UBXN7: variants seen among roughly 807,000 people sequenced by gnomAD.
UBXN7 encodes the protein UBX domain protein 7, also known as UBX domain-containing protein 7.
In UBXN7, 9 loss-of-function variants were observed where a neutral mutation model predicts 58.0. The observed-to-expected ratio is 0.16, with a 90% CI of 0.09 to 0.27. UBXN7 has a LOEUF of 0.27. Ranked by LOEUF, UBXN7 falls within the 10% of genes least tolerant of loss-of-function variation. The pLI, the probability that UBXN7 is intolerant of heterozygous loss-of-function variation, is 1.00. For synonymous variants in UBXN7, 208 were observed against 205.0 expected, an observed-to-expected ratio of 1.01 and a Z score of -0.12; for missense variants, 328 against 599.6, an observed-to-expected ratio of 0.55 and a Z score of 4.73.
rs372322399 is a variant in UBXN7, at chr3:196,355,369, G to A, written c.*1316C>T. The stretch of plus-strand genomic sequence containing the variant: ...AAATGGTATTCTACAGATTCAAGAT[G>A]GCCTCTTCTAAAAACACTGAAGAAA... On this transcript the variant is annotated 3_prime_UTR_variant, in exon 11 of 11. Coordinates refer to ENST00000296328, the MANE Select transcript of UBXN7 (RefSeq NM_015562.2). 1.6e-4 allele frequency: 25 copies of A among 152,092 alleles called. No individual in the cohort carries two copies. Among genetic ancestry groups the A allele is most frequent in the African/African-American group, 5.6e-4 (23 of 41,386 alleles). The allele number at this position is 152,092 out of a possible 1,614,324, so 9.4% of individuals were successfully genotyped here.
chr3:196,362,108 C>T (rs973292745), intron 9 of UBXN7, among the ~76,000 whole-genome samples, 185 bp from the exon 10 acceptor site: 5 of 152,220 alleles, frequency 3.3e-5, no homozygotes, highest in Non-Finnish European at 7.3e-5. Context: ...ACTCTCCTGC[C>T]TCAGCCTCCC....
Position 196,384,766 on chromosome 3 carries a change from A to C in UBXN7, c.468+7047T>G, listed in dbSNP as rs1729320965. 2.0e-5 allele frequency among the ~76,000 whole-genome samples: 3 copies of C among 152,360 alleles called. No individual in the cohort carries two copies. In the South Asian group the frequency reaches 6.2e-4, roughly 32 times the overall value. ...AATTCAACAGCCCTTCACGCTAAAA[A>C]TTCTCAATAAACTAGGTATTGATGG... On this transcript the variant is annotated intron_variant, in intron 5 of 10. Coordinates refer to ENST00000296328, the MANE Select transcript of UBXN7 (RefSeq NM_015562.2).
chr3:196,380,749 T>G (rs1729181990), intron 5 of UBXN7, among the ~76,000 whole-genome samples: 1 of 152,210 alleles, frequency 6.6e-6, no homozygotes, highest in Non-Finnish European at 1.5e-5. Flanking sequence ...CGTGACAGAC[T>G]ATCTGGAAAA....
chr3:196,413,271 G>A (rs1055100011), intron 1 of UBXN7, among the ~76,000 whole-genome samples: 17 of 152,166 alleles, frequency 1.1e-4, no homozygotes, highest in Admixed American at 1.1e-3. Flanking sequence ...CCAGGAGGCA[G>A]AGGTTGCAGT....
chr3:196,405,724 G>A (rs1730143192), intron 2 of UBXN7, among the ~76,000 whole-genome samples: 1 of 152,050 alleles, frequency 6.6e-6, no homozygotes, highest in South Asian at 2.1e-4. Flanking sequence ...TTATCTGAGG[G>A]TATCTGTACC....
chr3:196,388,872 G>C (rs1271456575), intron 5 of UBXN7, among the ~76,000 whole-genome samples: 1 of 151,450 alleles, frequency 6.6e-6, no homozygotes, highest in Non-Finnish European at 1.5e-5. Context: ...TTTTGGAAGG[G>C]AATATTTATT....
chr3:196,361,671 C>A (rs1009006126), intron 10 of UBXN7, among the ~76,000 whole-genome samples, 173 bp downstream of exon 10: 1 of 152,118 alleles, frequency 6.6e-6, no homozygotes, highest in African/African-American at 2.4e-5. Context: ...CACTTTTTAG[C>A]AAAAGCTTTT....
intron 1 of UBXN7, among the ~76,000 whole-genome samples, chr3:196,418,480 T>C (rs1730574667): frequency 1.3e-5 from 2 of 152,204 alleles, no homozygotes; most frequent in Non-Finnish European, 2.9e-5. Flanking sequence ...ATGTGTCTCA[T>C]TCAAGTTGAA....
intron 5 of UBXN7, among the ~76,000 whole-genome samples, chr3:196,380,620 G>C (rs1223441396): frequency 6.6e-6 from 1 of 152,248 alleles, no homozygotes; most frequent in Non-Finnish European, 1.5e-5. Context: ...ATCTCACTGG[G>C]ACTGGGTGGA....
At chr3:196,369,303 C>G in intron 7 of UBXN7, 118 bp downstream of exon 7, 3 of 811,860 alleles carry the variant, frequency 3.7e-6, no homozygotes, top group Non-Finnish European at 6.0e-6. Context: ...AAAAACGAAA[C>G]CTTCACCTAA....
chr3:196,357,476 G>A (rs545497650), intron 10 of UBXN7, among the ~76,000 whole-genome samples: 1 of 152,202 alleles, frequency 6.6e-6, no homozygotes, highest in Admixed American at 6.5e-5. Flanking sequence ...GTTTCCAGCA[G>A]TTAAAAACAG....
intron 1 of UBXN7, among the ~76,000 whole-genome samples, chr3:196,411,139 T>C (rs1051343567): frequency 1.3e-5 from 2 of 152,198 alleles, no homozygotes; most frequent in East Asian, 3.9e-4. Flanking sequence ...GATATACTAC[T>C]AGTAAATGCT....
chr3:196,371,878 A>G lies in UBXN7; in HGVS notation c.615+18T>C, dbSNP rs374338115. 6.2e-6 allele frequency: 10 copies of G among 1,604,742 alleles called. No homozygotes were observed. Among genetic ancestry groups the G allele is most frequent in the Non-Finnish European group, 8.5e-6 (10 of 1,176,478 alleles). On this transcript the variant is annotated intron_variant, in intron 6 of 10. Transcript: ENST00000296328. The stretch of plus-strand genomic sequence containing the variant: ...AAAGTAAAATTCTACAAAACTTCTG[A>G]TTAACTCTCCTTCTCACCTGCCAGA...
At chr3:196,404,363 C>T (rs558082961) in intron 2 of UBXN7, among the ~76,000 whole-genome samples, 62 of 150,912 alleles carry the variant, frequency 4.1e-4, no homozygotes, top group South Asian at 1.5e-3. Flanking sequence ...CCCAGGTTCA[C>T]GCCATTCTCC....
chr3:196,404,667 C>T (rs780938061), intron 2 of UBXN7, among the ~76,000 whole-genome samples: 56 of 152,284 alleles, frequency 3.7e-4, no homozygotes, highest in Non-Finnish European at 6.5e-4. Context: ...AGTAGGAATA[C>T]TCATTTGTCA....
chr3:196,374,433 A>G (rs1728930137), intron 5 of UBXN7, among the ~76,000 whole-genome samples: 1 of 152,196 alleles, frequency 6.6e-6, no homozygotes, highest in Admixed American at 6.5e-5. Context: ...GCCTTTGTGA[A>G]GCTTCCAATG....
At chr3:196,410,987 T>A (rs1377792768) in intron 1 of UBXN7, among the ~76,000 whole-genome samples, 1 of 152,192 alleles carries the variant, frequency 6.6e-6, no homozygotes, top group Non-Finnish European at 1.5e-5. Flanking sequence ...CTAAATTACA[T>A]GCTTAGAATG....
intron 1 of UBXN7, chr3:196,431,779 C>A: frequency 2.2e-6 from 1 of 445,224 alleles, no homozygotes; most frequent in South Asian, 1.6e-5. Context: ...CACGGCCGAA[C>A]CCACCGGCCT....
chr3:196,370,274 TTTTTTTG>T (rs1202457542), intron 6 of UBXN7, among the ~76,000 whole-genome samples: 3 of 106,136 alleles, frequency 2.8e-5, no homozygotes, highest in African/African-American at 9.8e-5. Context: ...TTTTTTTGTT[TTTTTTTG>T]TTTGTTTGTT....
Sources: gnomAD v4.1 joint callset for allele counts (sites outside exome capture counted in the v4.1 genomes callset) on GRCh38, gnomAD v4.1.1 for gene constraint, MANE v1.5 for transcripts, NCBI Gene and HGNC (gene_info 2026-07-23, HGNC 2026-07-21) for gene names.